BRINP3: variants seen among roughly 807,000 people sequenced by gnomAD.
BRINP3 encodes the protein BMP/retinoic acid inducible neural specific 3, also known as BMP/retinoic acid-inducible neural-specific protein 3.
In BRINP3, 19 loss-of-function variants were observed where a neutral mutation model predicts 71.0. The observed-to-expected ratio is 0.27, with a 90% CI of 0.19 to 0.39. The LOEUF (loss-of-function observed/expected upper bound fraction) is 0.39. Among genes scored for constraint, BRINP3 ranks in the 10% least tolerant of loss-of-function variants. The probability of loss-of-function intolerance (pLI) is 1.00; values close to 1 mark genes in which losing one functional copy is unlikely to be tolerated. For synonymous variants in BRINP3, 380 were observed against 337.7 expected, an observed-to-expected ratio of 1.13 and a Z score of -1.37; for missense variants, 959 against 940.8, an observed-to-expected ratio of 1.02 and a Z score of -0.25.
chr1:190,268,361 A>T (rs1009583228), intron 3 of BRINP3, among the ~76,000 whole-genome samples: 44 of 152,176 alleles, frequency 2.9e-4, no homozygotes, highest in African/African-American at 1.0e-3. Flanking sequence ...AGCCTCCCAA[A>T]GTGCTGGGAT....
chr1:190,274,602 T>G lies in BRINP3; in HGVS notation c.427+6958A>C, dbSNP rs1380337366. Among the ~76,000 whole-genome samples, 6 of 151,716 alleles carry G rather than the reference T, an allele frequency of 4.0e-5. No individual in the cohort carries two copies. In the Admixed American group the frequency reaches 4.0e-4, roughly 10 times the overall value. The stretch of plus-strand genomic sequence containing the variant: ...TTGCCTCAAAAAGATGGTCCATTTT[T>G]TGGCAATGATAAGCCATATTATTAC... On this transcript the variant is annotated intron_variant, in intron 3 of 7. Coordinates refer to ENST00000367462, the MANE Select transcript of BRINP3 (RefSeq NM_199051.3).
intron 6 of BRINP3, among the ~76,000 whole-genome samples, chr1:190,214,636 C>T (rs1331196434): frequency 6.6e-6 from 1 of 151,968 alleles, no homozygotes; most frequent in Non-Finnish European, 1.5e-5. Flanking sequence ...TTAGTGTATG[C>T]ATTGTTTGTG....
At position 190,136,319 on chromosome 1, in the gene BRINP3, T is replaced by G. The variant is rs1048715462; in HGVS notation, c.1184+24349A>C. 2.6e-5 allele frequency among the ~76,000 whole-genome samples: 4 copies of G among 152,108 alleles called. No homozygotes were observed. The East Asian group carries it at 7.7e-4, about 29-fold the overall frequency. ...GCACTTAAAGATCTAACAACCATTG[T>G]TTAACACATTGATTGGGTTGATTTG... On this transcript the variant is annotated intron_variant, in intron 7 of 7. Coordinates refer to ENST00000367462, the MANE Select transcript of BRINP3 (RefSeq NM_199051.3).
intron 6 of BRINP3, among the ~76,000 whole-genome samples, chr1:190,203,089 A>G (rs1472022196): frequency 3.9e-5 from 6 of 152,052 alleles, no homozygotes; most frequent in Non-Finnish European, 8.8e-5. Context: ...CTTGCATTCA[A>G]TTTTCTTCAA....
chr1:190,416,988 A>G (rs1418187745), intron 2 of BRINP3, among the ~76,000 whole-genome samples: 1 of 152,166 alleles, frequency 6.6e-6, no homozygotes, highest in African/African-American at 2.4e-5. Flanking sequence ...TATGTAAAGG[A>G]TTAAATACAT....
At chr1:190,317,559 C>T (rs187421492) in intron 2 of BRINP3, among the ~76,000 whole-genome samples, 172 of 152,194 alleles carry the variant, frequency 1.1e-3, no homozygotes, top group African/African-American at 3.2e-3. Context: ...TCATATTCAT[C>T]ATTCCCTTTC....
intron 2 of BRINP3, among the ~76,000 whole-genome samples, chr1:190,316,318 G>A (rs960765448): frequency 3.3e-5 from 5 of 152,022 alleles, no homozygotes; most frequent in Non-Finnish European, 5.9e-5. Context: ...GAAATCTGAG[G>A]CACTAAGAAA....
At chr1:190,447,620 C>CTATA (rs1314469280) in intron 2 of BRINP3, among the ~76,000 whole-genome samples, 1 of 146,114 alleles carries the variant, frequency 6.8e-6, no homozygotes, top group African/African-American at 2.5e-5. Context: ...CTCTCTCTCT[C>CTATA]TCTATATATA....
At chr1:190,364,908 C>T (rs1284205223) in intron 2 of BRINP3, among the ~76,000 whole-genome samples, 2 of 151,916 alleles carry the variant, frequency 1.3e-5, no homozygotes, top group Non-Finnish European at 1.5e-5. Context: ...AGAATTAATT[C>T]GCCTCTGTAT....
At chr1:190,475,452 T>C (rs1677434105) in intron 1 of BRINP3, among the ~76,000 whole-genome samples, 1 of 152,132 alleles carries the variant, frequency 6.6e-6, no homozygotes, top group Non-Finnish European at 1.5e-5. Flanking sequence ...GGGCTGCAAA[T>C]GCCCACACCA....
intron 2 of BRINP3, among the ~76,000 whole-genome samples, chr1:190,362,603 A>T (rs1413541210): frequency 6.6e-6 from 1 of 152,146 alleles, no homozygotes; most frequent in Non-Finnish European, 1.5e-5. Context: ...CTTGAATTGT[A>T]CCTCCCATAA....
At chr1:190,327,326 C>CAAAAAAAAAAAAAAAAAAAAAAAAAAAA (rs1227478693) in intron 2 of BRINP3, among the ~76,000 whole-genome samples, 3 of 44,228 alleles carry the variant, frequency 6.8e-5, no homozygotes, top group East Asian at 6.2e-4. Context: ...AAAAAAAGAA[C>CAAAAAAAAAAAAAAAAAAAAAAAAAAAA]AAAAAAAAAA....
At chr1:190,139,847 T>C (rs1369888063) in intron 7 of BRINP3, among the ~76,000 whole-genome samples, 1 of 152,200 alleles carries the variant, frequency 6.6e-6, no homozygotes, top group African/African-American at 2.4e-5. Context: ...GGTAAACATG[T>C]TTTGGATACT....
chr1:190,123,491 G>A (rs1385537102), intron 7 of BRINP3, among the ~76,000 whole-genome samples: 1 of 151,922 alleles, frequency 6.6e-6, no homozygotes, highest in East Asian at 1.9e-4. Context: ...ATCCATTCAG[G>A]TTCTAAATTT....
intron 2 of BRINP3, among the ~76,000 whole-genome samples, chr1:190,447,184 G>T (rs777181438): frequency 2.0e-5 from 3 of 150,962 alleles, no homozygotes; most frequent in Admixed American, 2.0e-4. Flanking sequence ...TAACATGAAA[G>T]CACTAATTAC....
intron 1 of BRINP3, among the ~76,000 whole-genome samples, chr1:190,457,939 T>C (rs1000063625): frequency 1.4e-4 from 21 of 151,880 alleles, no homozygotes; most frequent in African/African-American, 4.1e-4. Context: ...AAAAACTATA[T>C]TGTGTATATT....
At chr1:190,324,761 G>T (rs1173244470) in intron 2 of BRINP3, among the ~76,000 whole-genome samples, 4 of 151,842 alleles carry the variant, frequency 2.6e-5, no homozygotes, top group African/African-American at 9.6e-5. Context: ...TAATCACAAA[G>T]CAATGATTGT....
chr1:190,116,353 T>A (rs2102300725), intron 7 of BRINP3, among the ~76,000 whole-genome samples: 1 of 152,248 alleles, frequency 6.6e-6, no homozygotes, highest in East Asian at 1.9e-4. Flanking sequence ...CAAGTGGGAA[T>A]ACACATACTT....
chr1:190,420,857 A>G (rs1673332742), intron 2 of BRINP3, among the ~76,000 whole-genome samples: 2 of 151,862 alleles, frequency 1.3e-5, no homozygotes, highest in Non-Finnish European at 2.9e-5. Context: ...GAAAAAGACA[A>G]TGTTTCCAGG....
Sources: gnomAD v4.1 joint callset for allele counts (sites outside exome capture counted in the v4.1 genomes callset) on GRCh38, gnomAD v4.1.1 for gene constraint, MANE v1.5 for transcripts, NCBI Gene and HGNC (gene_info 2026-07-23, HGNC 2026-07-21) for gene names.